The following ROBO2 variants were observed in gnomAD, a reference collection of about 807,000 sequenced individuals.
The protein encoded by ROBO2 is roundabout homolog 2.
ROBO2 carries 53 observed loss-of-function variants against 160.8 expected under a neutral mutation model. The observed-to-expected ratio is 0.33, with a 90% CI of 0.26 to 0.41. The LOEUF is 0.41. Ranked by LOEUF, ROBO2 falls within the 10% of genes least tolerant of loss-of-function variation. ROBO2 has a pLI of 1.00. For missense variants in ROBO2, 1,577 were observed against 1,722.4 expected (o/e 0.92, Z 1.49); for synonymous variants, 664 against 611.7 (o/e 1.09, Z -1.26).
intron 2 of ROBO2, among the ~76,000 whole-genome samples, chr3:77,230,950 T>C (rs1221675913): frequency 6.6e-6 from 1 of 152,196 alleles, no homozygotes; most frequent in Non-Finnish European, 1.5e-5. Context: ...ACTACCTTCA[T>C]AGGCAAATTG....
intron 2 of ROBO2, among the ~76,000 whole-genome samples, chr3:77,001,762 AC>A (rs1459400939): frequency 6.6e-6 from 1 of 152,062 alleles, no homozygotes; most frequent in Non-Finnish European, 1.5e-5. Context: ...TAATAAGCTA[AC>A]AATTCTAGAA....
chr3:77,490,471 T>C (rs2085963119), intron 4 of ROBO2, among the ~76,000 whole-genome samples: 1 of 152,234 alleles, frequency 6.6e-6, no homozygotes, highest in South Asian at 2.1e-4. Context: ...GTTTGATTCC[T>C]TCTTTATTTA....
Position 77,513,302 on chromosome 3 carries a change from A to G in ROBO2, c.807-9473A>G, listed in dbSNP as rs1206334920. ...AAATCATGAGAAGTTCCTACCCTTG[A>G]GGCTTAATGTGCATCAGGAATTGCA... On this transcript the variant is annotated intron_variant, in intron 5 of 25. Coordinates refer to ENST00000461745, the Ensembl canonical transcript of ROBO2. 2.0e-5 allele frequency among the ~76,000 whole-genome samples: 3 copies of G among 151,972 alleles called. No individual in the cohort carries two copies. The East Asian group carries it at 5.8e-4, about 30-fold the overall frequency.
At chr3:77,039,966 C>T (rs1373167000) in exon 1 of ROBO2, 2 of 372,306 alleles carry the variant, frequency 5.4e-6, no homozygotes, top group African/African-American at 4.4e-5. Context: ...TCACGCCCGT[C>T]TCTGCTCGCG....
chr3:77,622,986 A>T lies in ROBO2; in HGVS notation c.3760+554A>T, dbSNP rs1275504074. Among the ~76,000 whole-genome samples, 5 of 152,308 alleles carry T rather than the reference A, an allele frequency of 3.3e-5. No homozygotes were observed. The East Asian group carries it at 5.8e-4, about 18-fold the overall frequency. ...CTAGTAAATGCTTCTCTTCCAAGAA[A>T]TGCAGTTATTTTTTCTGTTTATTTC... is the stretch of plus-strand genomic sequence containing the variant. On this transcript the variant is annotated intron_variant, in intron 23 of 25. Coordinates refer to ENST00000461745, the Ensembl canonical transcript of ROBO2.
chr3:77,288,919 T>C (rs1164407900), intron 2 of ROBO2, among the ~76,000 whole-genome samples: 1 of 151,632 alleles, frequency 6.6e-6, no homozygotes, highest in Non-Finnish European at 1.5e-5. Context: ...AGAAGTAAAG[T>C]TGTCAATATA....
intron 2 of ROBO2, among the ~76,000 whole-genome samples, chr3:76,215,281 A>G (rs1363492780): frequency 6.6e-6 from 1 of 152,208 alleles, no homozygotes; most frequent in East Asian, 1.9e-4. Context: ...AATGCAGCTC[A>G]TCACCAGCAA....
At chr3:76,730,093 AT>A (rs1315104747) in intron 2 of ROBO2, among the ~76,000 whole-genome samples, 2 of 152,034 alleles carry the variant, frequency 1.3e-5, no homozygotes, top group African/African-American at 4.8e-5. Flanking sequence ...CTTTCTGATC[AT>A]TCCCACGTCA....
Position 76,862,875 on chromosome 3 carries a change from A to G in ROBO2, c.110-235139A>G, listed in dbSNP as rs1301584256. 3.3e-5 allele frequency among the ~76,000 whole-genome samples: 5 copies of G among 152,100 alleles called. No homozygotes were observed. In the East Asian group the frequency reaches 9.6e-4, roughly 29 times the overall value. Reference sequence around the variant, plus strand: ...CTACTATCTTGTCAATTATAGCTTTAACAATTTTCACGTCTCTTTTCTCTC... The same window carrying G: ...CTACTATCTTGTCAATTATAGCTTTGACAATTTTCACGTCTCTTTTCTCTC... On this transcript the variant is annotated intron_variant, in intron 2 of 26. Coordinates refer to the ROBO2 transcript ENST00000487694.
intron 2 of ROBO2, among the ~76,000 whole-genome samples, chr3:76,192,681 C>T (rs917130627): frequency 6.6e-6 from 1 of 152,000 alleles, no homozygotes; most frequent in African/African-American, 2.4e-5. Flanking sequence ...TCTCTTTCTT[C>T]CCACATGATA....
chr3:76,996,821 A>G (rs1397888305), intron 2 of ROBO2, among the ~76,000 whole-genome samples: 3 of 152,098 alleles, frequency 2.0e-5, no homozygotes, highest in African/African-American at 7.2e-5. Context: ...AAATTATTCT[A>G]TTTTGGTGGC....
intron 15 of ROBO2, among the ~76,000 whole-genome samples, chr3:77,578,248 G>A (rs980992099): frequency 6.6e-6 from 1 of 152,084 alleles, no homozygotes; most frequent in African/African-American, 2.4e-5. Flanking sequence ...GGTGTGTAAA[G>A]TAGAAAGTAT....
chr3:76,689,098 G>T (rs2092745277), intron 2 of ROBO2, among the ~76,000 whole-genome samples: 1 of 152,002 alleles, frequency 6.6e-6, no homozygotes, highest in Admixed American at 6.6e-5. Flanking sequence ...TATTAAAATT[G>T]ATTGCAATTG....
At chr3:77,131,769 C>T (rs954672752) in intron 2 of ROBO2, among the ~76,000 whole-genome samples, 5 of 152,024 alleles carry the variant, frequency 3.3e-5, no homozygotes, top group African/African-American at 1.2e-4. Flanking sequence ...GCATAGTCTC[C>T]ATTCTCTTTT....
At chr3:75,944,488 A>C (rs1357181728) in intron 2 of ROBO2, among the ~76,000 whole-genome samples, 1 of 152,148 alleles carries the variant, frequency 6.6e-6, no homozygotes, top group East Asian at 1.9e-4. Flanking sequence ...CATGAATTTC[A>C]AAGTTGCCAA....
At chr3:76,977,627 A>G (rs1342039839) in intron 2 of ROBO2, among the ~76,000 whole-genome samples, 1 of 152,126 alleles carries the variant, frequency 6.6e-6, no homozygotes, top group Non-Finnish European at 1.5e-5. Flanking sequence ...AACCTCATGA[A>G]TTTTGTTGAT....
chr3:76,869,597 C>T (rs930559266), intron 2 of ROBO2, among the ~76,000 whole-genome samples: 2 of 152,012 alleles, frequency 1.3e-5, no homozygotes, highest in African/African-American at 4.8e-5. Context: ...GATCCGCCCG[C>T]CTCGGCCTCC....
intron 2 of ROBO2, among the ~76,000 whole-genome samples, chr3:77,202,395 C>A (rs539982669): frequency 6.6e-6 from 1 of 152,058 alleles, no homozygotes; most frequent in Non-Finnish European, 1.5e-5. Flanking sequence ...TGAAGAAAGT[C>A]AAATTAATGA....
intron 2 of ROBO2, among the ~76,000 whole-genome samples, chr3:76,945,487 A>G (rs551430324): frequency 3.3e-4 from 50 of 152,218 alleles, no homozygotes; most frequent in African/African-American, 9.9e-4. Context: ...CCCATTTTGA[A>G]AAATTTTAGC....
Sources: allele counts gnomAD v4.1 joint callset (sites outside exome capture counted in the v4.1 genomes callset), GRCh38; gene constraint gnomAD v4.1.1; transcripts MANE v1.5; gene names NCBI Gene and HGNC (gene_info 2026-07-23, HGNC 2026-07-21).